Variants in ZNF516 observed in about 807,000 individuals in gnomAD.
ZNF516 encodes the protein zinc finger protein 516.
In ZNF516, 19 loss-of-function variants were observed where a neutral mutation model predicts 79.7. The ratio of observed to expected loss-of-function variants is 0.24; its 90% CI spans 0.17 to 0.35. The LOEUF is 0.35. Ranked by LOEUF, ZNF516 falls within the 10% of genes least tolerant of loss-of-function variation. The pLI, the probability that ZNF516 is intolerant of heterozygous loss-of-function variation, is 1.00. For missense variants in ZNF516, 1,678 were observed against 1,679.5 expected, an observed-to-expected ratio of 1.00 and a Z score of 0.02; for synonymous variants, 877 against 739.5, an observed-to-expected ratio of 1.19 and a Z score of -3.02.
At chr18:76,462,255 G>A (rs1445020184) in intron 2 of ZNF516, among the ~76,000 whole-genome samples, 3 of 152,092 alleles carry the variant, frequency 2.0e-5, no homozygotes, top group East Asian at 1.9e-4. Flanking sequence ...ACTCAGAGAC[G>A]GCTTTGTAGG....
At position 76,442,676 on chromosome 18, in the gene ZNF516, G is replaced by C; in HGVS notation, c.379C>G (p.Leu127Val). ...TCGGCCTGCGAGGCCCCGTTCAGCA[G>C]CCGGTTGCAGGCCGAGGCGCTCTTG... ...PTKSASACNR[L>V]LNGASQADGA... The change falls in exon 3 of 7, where the codon CTG becomes GTG. Residue 127 changes from leucine (L) to valine (V), a missense_variant. This residue lies in a region of ZNF516 where 279 missense variants were observed against 254.1 expected (regional missense o/e 1.10). Coordinates refer to ENST00000443185, the MANE Select transcript of ZNF516 (RefSeq NM_014643.4). 1 of 1,583,988 alleles carries C rather than the reference G, an allele frequency of 6.3e-7. No homozygotes were observed. The highest frequency in any genetic ancestry group is 8.6e-7 in the Non-Finnish European group (1 of 1,168,600).
At chr18:76,383,035 CAAAA>C (rs772423972) in intron 3 of ZNF516, among the ~76,000 whole-genome samples, 2 of 49,800 alleles carry the variant, frequency 4.0e-5, no homozygotes, top group African/African-American at 8.4e-5. Context: ...GACTCTGTCT[CAAAA>C]AAAAAAAAAA....
chr18:76,490,951 A>T, intron 1 of ZNF516: 3 of 985,398 alleles, frequency 3.0e-6, no homozygotes, highest in Non-Finnish European at 2.4e-6. Flanking sequence ...GTGAGGTCAC[A>T]CACGCAGAAC....
chr18:76,494,401 G>A (rs777023997), intron 1 of ZNF516, among the ~76,000 whole-genome samples: 2 of 144,060 alleles, frequency 1.4e-5, no homozygotes, highest in Non-Finnish European at 3.0e-5. Context: ...GCGGGGCGCA[G>A]CTCCGAGGAG....
chr18:76,379,712 T>C lies in ZNF516; in HGVS notation c.2402A>G (p.Lys801Arg). Residue 801 changes from lysine (K) to arginine (R), a missense_variant, in exon 4 of 7, where the codon AAA becomes AGA. Physicochemically the swap from Lys to Arg is conservative, Grantham distance 26 (BLOSUM62 2). This residue lies in a region of ZNF516 where 1,294 missense variants were observed against 1,248.3 expected (regional missense o/e 1.04). Coordinates refer to ENST00000443185, the MANE Select transcript of ZNF516 (RefSeq NM_014643.4). ...GAAAACCAAATTGCTTCTGATGCTT[T>C]TGTAACCATTGGGCTGAATCCACGG... Reference protein sequence around the residue: ...APPWIQPNGYKSIRSNLVFLS... With the variant: ...APPWIQPNGYRSIRSNLVFLS... 12 of 1,613,754 alleles carry C rather than the reference T, an allele frequency of 7.4e-6. No individual in the cohort carries two copies. The highest frequency in any genetic ancestry group is 1.0e-5 in the Non-Finnish European group (12 of 1,179,890).
chr18:76,470,636 A>C (rs1913772292), intron 1 of ZNF516, among the ~76,000 whole-genome samples: 1 of 152,230 alleles, frequency 6.6e-6, no homozygotes, highest in Non-Finnish European at 1.5e-5. Context: ...AAAGCACTGA[A>C]GTTCTACCCT....
rs2074684560 is a variant in ZNF516, at chr18:76,370,510, A to G, written c.3432+18T>C. On this transcript the variant is annotated intron_variant, in intron 6 of 6. Coordinates refer to ENST00000443185, the MANE Select transcript of ZNF516 (RefSeq NM_014643.4). ...TACCGCATCGAAACCCAGACATCCA[A>G]TTCATCATGAGACCTACTTGTTTGG... is the stretch of plus-strand genomic sequence containing the variant. 2 of 1,592,104 alleles carry G rather than the reference A, an allele frequency of 1.3e-6. No homozygotes were observed. Among genetic ancestry groups the G allele is most frequent in the Non-Finnish European group, 1.7e-6 (2 of 1,167,976 alleles).
In ZNF516 at chr18:76,443,105, G is replaced by A; in HGVS notation, c.-51C>T. ...GGCGGCACAGCTTTCTGTCGCGCGG[G>A]CTGCAGGGACCGTCCTATCTCTCCA... is the stretch of plus-strand genomic sequence containing the variant. On this transcript the variant is annotated 5_prime_UTR_variant, in exon 3 of 7. Coordinates refer to ENST00000443185, the MANE Select transcript of ZNF516 (RefSeq NM_014643.4). The A allele has an allele frequency of 6.5e-7, 1 of 1,527,208 alleles. No individual in the cohort carries two copies. The highest frequency in any genetic ancestry group is 8.7e-7 in the Non-Finnish European group (1 of 1,144,870). 94.6% of individuals were successfully genotyped at this position (1,527,208 alleles called of 1,614,324 possible). A position where few individuals can be genotyped will look rare whatever the true frequency, so the allele number is the denominator to read the frequency against.
At chr18:76,445,221 C>T (rs1911970979) in intron 2 of ZNF516, among the ~76,000 whole-genome samples, 1 of 150,446 alleles carries the variant, frequency 6.6e-6, no homozygotes. Context: ...CATGCCACTG[C>T]ACCCCAGCCT....
At chr18:76,399,076 AT>A (rs1671152465) in intron 3 of ZNF516, among the ~76,000 whole-genome samples, 1 of 152,204 alleles carries the variant, frequency 6.6e-6, no homozygotes, top group African/African-American at 2.4e-5. Context: ...CGCGCAATGC[AT>A]GGAAGCTACC....
intron 6 of ZNF516, among the ~76,000 whole-genome samples, chr18:76,367,025 C>T (rs1024328290): frequency 2.0e-4 from 31 of 152,164 alleles, no homozygotes; most frequent in Admixed American, 5.9e-4. Context: ...ACTATAAACC[C>T]GTATCTTCGC....
chr18:76,474,028 C>T (rs937396498), intron 1 of ZNF516, among the ~76,000 whole-genome samples: 1 of 151,590 alleles, frequency 6.6e-6, no homozygotes, highest in South Asian at 2.1e-4. Context: ...TACAGGAAAG[C>T]ACCCCTCCCC....
At chr18:76,423,154 A>G (rs1291449061) in intron 3 of ZNF516, among the ~76,000 whole-genome samples, 2 of 152,200 alleles carry the variant, frequency 1.3e-5, no homozygotes, top group East Asian at 1.9e-4. Context: ...AACACAATTT[A>G]CACGCATTCT....
At chr18:76,454,970 G>A (rs992001111) in intron 2 of ZNF516, among the ~76,000 whole-genome samples, 1 of 152,134 alleles carries the variant, frequency 6.6e-6, no homozygotes, top group Non-Finnish European at 1.5e-5. Context: ...AATTTAAAAC[G>A]TAACAAGGCA....
At chr18:76,457,126 G>A (rs762867412) in intron 2 of ZNF516, among the ~76,000 whole-genome samples, 9 of 152,360 alleles carry the variant, frequency 5.9e-5, no homozygotes, top group South Asian at 2.1e-4. Flanking sequence ...CCTTTTAAGC[G>A]TGTGTAGGTA....
At chr18:76,403,220 T>C (rs72973773) in intron 3 of ZNF516, among the ~76,000 whole-genome samples, 41,685 of 152,186 alleles carry the variant, frequency 0.27, 7,053 homozygotes, top group East Asian at 0.47. Flanking sequence ...AACAGTACTA[T>C]ACTGGTGCAC....
chr18:76,479,888 G>A (rs544285057), intron 1 of ZNF516, among the ~76,000 whole-genome samples: 2 of 152,164 alleles, frequency 1.3e-5, no homozygotes, highest in Non-Finnish European at 2.9e-5. Context: ...TATTAAAAAA[G>A]AGCCCTTTCC....
intron 1 of ZNF516, chr18:76,492,673 AC>A (rs1915302846): frequency 1.0e-6 from 1 of 973,804 alleles, no homozygotes; most frequent in South Asian, 4.7e-5. Flanking sequence ...GTGCCCAGGC[AC>A]CAAGGCCAGA....
intron 1 of ZNF516, among the ~76,000 whole-genome samples, chr18:76,468,370 GGTTTTTTGCT>G (rs35719935): frequency 0.033 from 4,980 of 151,210 alleles, 130 homozygotes; most frequent in African/African-American, 0.069. Context: ...AACATTATGA[GGTTTTTTGCT>G]GTTTTTTGTT....
Sources: gnomAD v4.1 joint callset for allele counts (sites outside exome capture counted in the v4.1 genomes callset) on GRCh38, gnomAD v4.1.1 for gene constraint, gnomAD v4.1.1 regional missense constraint, MANE v1.5 for transcripts, NCBI Gene and HGNC (gene_info 2026-07-23, HGNC 2026-07-21) for gene names.